The following NCOA2 variants were observed in gnomAD, a reference collection of about 807,000 sequenced individuals.
NCOA2 encodes the protein class E basic helix-loop-helix protein 75.
NCOA2 carries 21 observed loss-of-function variants against 145.1 expected under a neutral mutation model. That is an observed-to-expected ratio of 0.14 (90% confidence interval 0.10 to 0.21). The LOEUF (loss-of-function observed/expected upper bound fraction) is 0.21, where lower values mean the gene tolerates loss of function less well. NCOA2 is among the 10% of genes least tolerant of loss of function. The pLI is 1.00. For missense variants in NCOA2, 1,472 were observed against 1,837.6 expected (o/e 0.80, Z 3.64); for synonymous variants, 619 against 637.5 (o/e 0.97, Z 0.44).
the NCOA2 span, among the ~76,000 whole-genome samples, chr8:70,438,924 T>G: frequency 6.6e-6 from 1 of 152,208 alleles, no homozygotes; most frequent in African/African-American, 2.4e-5. Flanking sequence ...TACATTCCAA[T>G]GGTTTTCTGC....
At chr8:70,188,968 G>T (rs1816374366) in intron 4 of NCOA2, among the ~76,000 whole-genome samples, 1 of 152,140 alleles carries the variant, frequency 6.6e-6, no homozygotes, top group Admixed American at 6.5e-5. Flanking sequence ...ACTCTCAGTA[G>T]AATAAAACAT....
Position 70,126,838 on chromosome 8 carries a change from C to G in NCOA2, c.3891G>C (p.Gln1297His). Reference protein sequence around the residue: ...SNPRIPQANAQQFPFPPNYGI... With the variant: ...SNPRIPQANAHQFPFPPNYGI... ...CGTAGTTTGGAGGAAATGGAAACTG[C>G]TGTGCATTTGCCTGGGGAATCCGAG... Residue 1297 changes from glutamine (Q) to histidine (H), a missense_variant, in exon 19 of 23, where the codon CAG becomes CAC. Coordinates refer to ENST00000452400, the MANE Select transcript of NCOA2 (RefSeq NM_006540.4). 1 of 1,613,958 alleles carries G rather than the reference C, an allele frequency of 6.2e-7. No homozygotes were observed. The highest frequency in any genetic ancestry group is 1.1e-5 in the South Asian group (1 of 91,082).
chr8:70,373,595 T>C (rs1372571358), intron 1 of NCOA2, among the ~76,000 whole-genome samples: 1 of 152,224 alleles, frequency 6.6e-6, no homozygotes, highest in African/African-American at 2.4e-5. Context: ...TACTTTTTTG[T>C]GTTCTAAGAA....
At chr8:70,305,221 C>T (rs546585411) in intron 1 of NCOA2, among the ~76,000 whole-genome samples, 59 of 151,726 alleles carry the variant, frequency 3.9e-4, no homozygotes, top group Non-Finnish European at 3.4e-4. Context: ...CAAAGGGCAG[C>T]GGCAGTCTTT....
intron 1 of NCOA2, among the ~76,000 whole-genome samples, chr8:70,299,742 C>G (rs1425825265): frequency 2.6e-5 from 4 of 152,180 alleles, no homozygotes; most frequent in Non-Finnish European, 5.9e-5. Flanking sequence ...TTTGGGAAAA[C>G]AGTTTGGAAG....
At chr8:70,127,789 T>C (rs917628843) in intron 18 of NCOA2, among the ~76,000 whole-genome samples, 1 of 152,236 alleles carries the variant, frequency 6.6e-6, no homozygotes, top group Non-Finnish European at 1.5e-5. Flanking sequence ...ATATGCAATG[T>C]GCACACTTCC....
the NCOA2 span, among the ~76,000 whole-genome samples, chr8:70,455,491 T>C: frequency 6.6e-6 from 1 of 152,228 alleles, no homozygotes; most frequent in Non-Finnish European, 1.5e-5. Flanking sequence ...TCTTGAACTA[T>C]GGGAAGAACC....
At chr8:70,141,924 A>G (rs1366105051) in intron 13 of NCOA2, among the ~76,000 whole-genome samples, 2 of 152,198 alleles carry the variant, frequency 1.3e-5, no homozygotes, top group East Asian at 3.8e-4. Flanking sequence ...GAACTTATAG[A>G]TCTTTCTGAT....
chr8:70,241,558 C>T (rs774830076), intron 2 of NCOA2, among the ~76,000 whole-genome samples: 1 of 152,144 alleles, frequency 6.6e-6, no homozygotes, highest in Non-Finnish European at 1.5e-5. Context: ...GTAATAGTTC[C>T]CTCCTTGTCC....
At chr8:70,138,076 T>A in intron 15 of NCOA2, 127 bp downstream of exon 15, 3 of 963,204 alleles carry the variant, frequency 3.1e-6, no homozygotes, top group Admixed American at 3.2e-5. Flanking sequence ...CTCCTCTTCA[T>A]GCACTGCACA....
chr8:70,274,117 A>G (rs1825285662), intron 2 of NCOA2, among the ~76,000 whole-genome samples: 2 of 151,862 alleles, frequency 1.3e-5, no homozygotes, highest in Non-Finnish European at 2.9e-5. Context: ...CCTAGTATAC[A>G]GTTTTATTCT....
the NCOA2 span, among the ~76,000 whole-genome samples, chr8:70,412,740 T>C: frequency 4.7e-5 from 7 of 149,680 alleles, no homozygotes; most frequent in African/African-American, 1.5e-4. Context: ...TATGTAAAAA[T>C]TGGAATACAG....
chr8:70,296,168 T>C (rs1465982004), intron 2 of NCOA2, among the ~76,000 whole-genome samples: 1 of 152,152 alleles, frequency 6.6e-6, no homozygotes, highest in African/African-American at 2.4e-5. Context: ...CAGGGAAAGT[T>C]GTAAAGAGTA....
At chr8:70,159,225 T>TAA (rs1812627074) in intron 10 of NCOA2, among the ~76,000 whole-genome samples, 1 of 71,362 alleles carries the variant, frequency 1.4e-5, no homozygotes, top group Non-Finnish European at 2.6e-5. Flanking sequence ...TATAACATTA[T>TAA]ATATATATAT....
intron 2 of NCOA2, among the ~76,000 whole-genome samples, chr8:70,282,247 A>C (rs989915800): frequency 1.3e-5 from 2 of 152,228 alleles, no homozygotes; most frequent in African/African-American, 2.4e-5. Context: ...AGATGTATAC[A>C]GATTGATTAT....
intron 1 of NCOA2, among the ~76,000 whole-genome samples, chr8:70,355,909 T>C (rs1809646404): frequency 6.6e-6 from 1 of 152,182 alleles, no homozygotes; most frequent in South Asian, 2.1e-4. Flanking sequence ...TACTTATATA[T>C]TACATAAAAC....
intron 4 of NCOA2, among the ~76,000 whole-genome samples, chr8:70,188,427 C>T (rs1253039635): frequency 2.0e-5 from 3 of 152,098 alleles, no homozygotes; most frequent in African/African-American, 7.2e-5. Flanking sequence ...GCTGATTCAG[C>T]AAAGCAATAA....
Position 70,113,579 on chromosome 8 carries a change from T to C in NCOA2, c.*53A>G, listed in dbSNP as rs913011200. 1.4e-5 allele frequency: 21 copies of C among 1,543,072 alleles called. No homozygotes were observed. In the Admixed American group the frequency reaches 3.9e-4, roughly 29 times the overall value. On this transcript the variant is annotated 3_prime_UTR_variant, in exon 23 of 23. Coordinates refer to ENST00000452400, the MANE Select transcript of NCOA2 (RefSeq NM_006540.4). ...TAGACACAGCTCTCCAGACTGGAAG[T>C]GTTTTGAGCAAGTGAGCCCGGTCAG...
At chr8:70,133,792 C>T (rs761076535) in intron 15 of NCOA2, among the ~76,000 whole-genome samples, 1 of 152,214 alleles carries the variant, frequency 6.6e-6, no homozygotes, top group South Asian at 2.1e-4. Context: ...CTCTAATATG[C>T]TATTTTGGCT....
Sources: allele counts gnomAD v4.1 joint callset (sites outside exome capture counted in the v4.1 genomes callset), GRCh38; gene constraint gnomAD v4.1.1; transcripts MANE v1.5; gene names NCBI Gene and HGNC (gene_info 2026-07-23, HGNC 2026-07-21).